FRMPD3: variants seen among roughly 807,000 people sequenced by gnomAD.
The protein encoded by FRMPD3 is FERM and PDZ domain containing 3, also known as FERM and PDZ domain-containing protein 3.
In FRMPD3, 42 loss-of-function variants were observed where a neutral mutation model predicts 97.9. The observed-to-expected ratio is 0.43, with a 90% confidence interval of 0.34 to 0.55. The LOEUF is 0.55. Ranked by LOEUF, FRMPD3 falls within the 20% of genes least tolerant of loss-of-function variation. The pLI, the probability that FRMPD3 is intolerant of heterozygous loss-of-function variation, is 0.03. For synonymous variants in FRMPD3, 577 were observed against 581.1 expected, an observed-to-expected ratio of 0.99 and a Z score of 0.10; for missense variants, 1,303 against 1,457.7, an observed-to-expected ratio of 0.89 and a Z score of 1.73.
At position 107,459,872 on chromosome X, in the gene FRMPD3, C is replaced by T. The variant is rs1383312285; in HGVS notation, c.-8+9867C>T. Among the ~76,000 whole-genome samples, 20 of 92,705 alleles carry T rather than the reference C, an allele frequency of 2.2e-4. 1 individual carries two copies. The highest frequency in any genetic ancestry group is 1.7e-3 in the Admixed American group (14 of 8,013). 80.5% of individuals were successfully genotyped at this position (92,705 alleles called of 115,157 possible). Reference sequence around the variant, plus strand: ...ACACACGTGTGTGTGCGTGCGTGCACGCAAGCATACATACACACACACACA... The same window carrying T: ...ACACACGTGTGTGTGCGTGCGTGCATGCAAGCATACATACACACACACACA... On this transcript the variant is annotated intron_variant, in intron 1 of 14. Transcript: ENST00000683843.
At chrX:107,575,720 G>A (rs1378634924) in intron 12 of FRMPD3, among the ~76,000 whole-genome samples, 1 of 112,396 alleles carries the variant, frequency 8.9e-6, no homozygotes, top group Non-Finnish European at 1.9e-5. Context: ...CAAAGTGCTG[G>A]GATTACAGGC....
In FRMPD3 at chrX:107,595,794, C is replaced by T. The variant is rs1301157734; in HGVS notation, c.1442-1527C>T. Among the ~76,000 whole-genome samples, 3 of 109,215 alleles carry T rather than the reference C, an allele frequency of 2.7e-5. No individual in the cohort carries two copies. The Admixed American group carries it at 2.9e-4, about 11-fold the overall frequency. 94.8% of individuals were successfully genotyped at this position (109,215 alleles called of 115,157 possible). The stretch of plus-strand genomic sequence containing the variant: ...TCTACCAAAAACACAAAAAATTAGT[C>T]GGGCGTGGTGGCAGGCGCCTGTAAT... On this transcript the variant is annotated intron_variant, in intron 13 of 14. Transcript: ENST00000683843.
At position 107,600,819 on chromosome X, in the gene FRMPD3, C is replaced by G; in HGVS notation, c.2780C>G (p.Ser927Cys). 4 of 1,209,373 alleles carry G rather than the reference C, an allele frequency of 3.3e-6. No individual in the cohort carries two copies. The highest frequency in any genetic ancestry group is 4.5e-6 in the Non-Finnish European group (4 of 894,681). The change falls in exon 15 of 15, where the codon TCT (serine) becomes TGT (cysteine). Residue 927 changes from serine (S) to cysteine (C), a missense_variant. Transcript: ENST00000683843. ...ATSSLSEEQVSELRDNLPKEV... is the reference protein window; with the variant it reads ...ATSSLSEEQVCELRDNLPKEV... ...TCATCCCTCAGTGAAGAGCAGGTCT[C>G]TGAGCTGAGGGACAACCTGCCCAAG...
rs1602875066 is a variant in FRMPD3, at chrX:107,602,386, A to G, written c.4347A>G (p.Gly1449=). The change falls in exon 15 of 15, where the codon GGA becomes GGG. Residue 1449 remains glycine, a synonymous_variant. Transcript: ENST00000683843. ...KSRSLESPTL[G]DPSYVQVAPE... Reference sequence around the variant, plus strand: ...GGTCTCTGGAGTCACCGACGCTGGGAGACCCCTCCTACGTCCAGGTTGCCC... The same window carrying G: ...GGTCTCTGGAGTCACCGACGCTGGGGGACCCCTCCTACGTCCAGGTTGCCC... 8.3e-7 allele frequency: 1 copy of G among 1,210,661 alleles called. No individual in the cohort carries two copies. Among genetic ancestry groups the G allele is most frequent in the Non-Finnish European group, 1.1e-6 (1 of 895,178 alleles).
At chrX:107,506,907 T>A (rs1245138397) in intron 1 of FRMPD3, among the ~76,000 whole-genome samples, 2 of 111,854 alleles carry the variant, frequency 1.8e-5, no homozygotes, top group Non-Finnish European at 3.8e-5. Flanking sequence ...GCTACCTTGC[T>A]ACCTTCAGCG....
intron 13 of FRMPD3, among the ~76,000 whole-genome samples, chrX:107,593,529 T>A (rs1924013111): frequency 8.9e-6 from 1 of 112,014 alleles, no homozygotes; most frequent in South Asian, 3.7e-4. Flanking sequence ...TGGTTTCAGG[T>A]CTTAGATTTA....
chrX:107,514,737 T>A (rs1346321577), intron 1 of FRMPD3, among the ~76,000 whole-genome samples: 5 of 110,459 alleles, frequency 4.5e-5, no homozygotes, highest in African/African-American at 1.6e-4. Context: ...TGTTGGCCAG[T>A]CTGGTCTCGA....
chrX:107,603,072 T>G lies in FRMPD3; in HGVS notation c.5033T>G (p.Phe1678Cys). Residue 1678 changes from phenylalanine to cysteine, a missense_variant, in exon 15 of 15, where the codon TTC (phenylalanine) becomes TGC (cysteine). Around this residue, in one of 3 missense-constraint regions of FRMPD3, gnomAD observed 764 missense variants for 820.2 expected, o/e 0.93. Transcript: ENST00000683843. The stretch of plus-strand genomic sequence containing the variant: ...ATTGAGACCTTCGTGCGGCTGGTGT[T>G]CATTGTGCGCTCCGAGGCCCAGCGC... ...SLIETFVRLV[F>C]IVRSEAQRQE... is the part of the protein sequence containing the mutation. The G allele has an allele frequency of 1.7e-6, 2 of 1,210,778 alleles. No individual in the cohort carries two copies. Among genetic ancestry groups the G allele is most frequent in the Non-Finnish European group, 2.2e-6 (2 of 895,393 alleles).
rs747342930 is a variant in FRMPD3 at position 107,513,643 on chromosome X, G to T, written c.-7-12939G>T. Among the ~76,000 whole-genome samples the T allele has an allele frequency of 3.6e-5, 4 of 111,721 alleles. No homozygotes were observed. The South Asian group carries it at 1.5e-3, about 42-fold the overall frequency. ...TTGTCTTTGCACAGAGATGTTGAGG[G>T]GTTTCTCCCATGGGCCAGACTTCCC... On this transcript the variant is annotated intron_variant, in intron 1 of 14. Coordinates refer to ENST00000683843, the MANE Select transcript of FRMPD3 (RefSeq NM_001388459.1).
chrX:107,548,716 T>C (rs1921724872), intron 5 of FRMPD3, among the ~76,000 whole-genome samples: 1 of 112,511 alleles, frequency 8.9e-6, no homozygotes, highest in Admixed American at 9.4e-5. Flanking sequence ...TAGTGGCACA[T>C]GCCTGTAGTC....
chrX:107,502,392 G>A (rs1921932563), intron 1 of FRMPD3, among the ~76,000 whole-genome samples: 1 of 111,505 alleles, frequency 9.0e-6, no homozygotes. Context: ...GCCCTTGGAT[G>A]AGGAAACCAG....
At chrX:107,501,524 G>T (rs1314250713) in intron 1 of FRMPD3, among the ~76,000 whole-genome samples, 23 of 72,182 alleles carry the variant, frequency 3.2e-4, no homozygotes, top group Admixed American at 5.0e-4. Flanking sequence ...GCCCGCCACC[G>T]CGCCCGGCCT....
In FRMPD3 at chrX:107,520,597, C is replaced by T. The variant is rs776535893; in HGVS notation, c.-7-5985C>T. On this transcript the variant is annotated intron_variant, in intron 1 of 14. Transcript: ENST00000683843. ...ATCATCTGAGCCCAGGAAGTCGAGG[C>T]TGCCTTGAGCTGTGATGGTTCCACT... Among the ~76,000 whole-genome samples, 7 of 111,546 alleles carry T rather than the reference C, an allele frequency of 6.3e-5. No individual in the cohort carries two copies. In the East Asian group the frequency reaches 2.0e-3, roughly 32 times the overall value.
intron 5 of FRMPD3, among the ~76,000 whole-genome samples, chrX:107,549,771 C>T (rs1430925161): frequency 9.0e-6 from 1 of 111,649 alleles, no homozygotes; most frequent in Non-Finnish European, 1.9e-5. Flanking sequence ...GTGGTGATCC[C>T]TTTGCTCTGA....
At chrX:107,523,511 G>C (rs1602772170) in intron 1 of FRMPD3, among the ~76,000 whole-genome samples, 1 of 112,134 alleles carries the variant, frequency 8.9e-6, no homozygotes, top group South Asian at 3.7e-4. Flanking sequence ...TTCCTCCATG[G>C]AGTCTTCTCC....
chrX:107,525,184 G>A (rs1016141542), intron 1 of FRMPD3, among the ~76,000 whole-genome samples: 1 of 110,971 alleles, frequency 9.0e-6, no homozygotes, highest in African/African-American at 3.3e-5. Flanking sequence ...ACTTAAACCC[G>A]TCTATCTAGA....
chrX:107,515,254 C>T (rs928693092), intron 1 of FRMPD3, among the ~76,000 whole-genome samples: 1 of 111,181 alleles, frequency 9.0e-6, no homozygotes, highest in African/African-American at 3.3e-5. Context: ...ACCCCAATAT[C>T]TAGTGATTAA....
intron 1 of FRMPD3, among the ~76,000 whole-genome samples, chrX:107,464,414 T>C (rs1262178073): frequency 9.0e-6 from 1 of 111,081 alleles, no homozygotes; most frequent in Middle Eastern, 4.2e-3. Flanking sequence ...TGTGATATGG[T>C]TCCACAGCTA....
intron 13 of FRMPD3, among the ~76,000 whole-genome samples, chrX:107,577,481 CAA>C (rs372014103): frequency 1.5e-3 from 49 of 33,341 alleles, no homozygotes; most frequent in African/African-American, 3.1e-3. Flanking sequence ...GAGACTGTCT[CAA>C]AAAAAAAAAA....
Sources: gnomAD v4.1 joint callset for allele counts (sites outside exome capture counted in the v4.1 genomes callset) on GRCh38, gnomAD v4.1.1 for gene constraint, gnomAD v4.1.1 regional missense constraint, MANE v1.5 for transcripts, NCBI Gene and HGNC (gene_info 2026-07-23, HGNC 2026-07-21) for gene names.